The following LIN54 variants were observed in gnomAD, a reference collection of about 807,000 sequenced individuals.
LIN54 encodes the protein lin-54 DREAM MuvB core complex component.
A neutral mutation model predicts 78.7 loss-of-function variants in LIN54; 9 were observed. The ratio of observed to expected loss-of-function variants is 0.11; its 90% confidence interval spans 0.07 to 0.20. LIN54 has a LOEUF of 0.20. LIN54 is among the 10% of genes least tolerant of loss of function. The pLI, the probability that LIN54 is intolerant of heterozygous loss-of-function variation, is 1.00. For synonymous variants in LIN54, 269 were observed against 318.4 expected (o/e 0.84, Z 1.65); for missense variants, 573 against 889.9 (o/e 0.64, Z 4.53).
chr4:82,947,235 A>ATATTTTTTTTTTTTTTTT, intron 4 of LIN54, among the ~76,000 whole-genome samples: 8 of 44,290 alleles, frequency 1.8e-4, no homozygotes, highest in African/African-American at 8.0e-4. Context: ...ATATATATAT[A>ATATTTTTTTTTTTTTTTT]TTTTTTTTTT....
chr4:82,958,925 C>T (rs1578546360), intron 4 of LIN54, among the ~76,000 whole-genome samples: 2 of 152,128 alleles, frequency 1.3e-5, no homozygotes, highest in South Asian at 4.1e-4. Flanking sequence ...TGGTCGCAAA[C>T]TCCCGATCTC....
rs1300387340 is a variant in LIN54 at position 83,010,812 on chromosome 4, G to A, written c.-361C>T. The A allele has an allele frequency of 4.4e-5, 54 of 1,228,420 alleles. No homozygotes were observed. Among genetic ancestry groups the A allele is most frequent in the Middle Eastern group, 3.1e-4 (1 of 3,214 alleles). 76.1% of individuals were successfully genotyped at this position (1,228,420 alleles called of 1,614,324 possible). On this transcript the variant is annotated 5_prime_UTR_variant, in exon 1 of 13. Coordinates refer to ENST00000340417, the MANE Select transcript of LIN54 (RefSeq NM_194282.4). Reference sequence around the variant, plus strand: ...CGGAGCCCGGGCCGCCGCCGCCGCCGCCACCACCAGTAACCTCCCCCTTCC... The same window carrying A: ...CGGAGCCCGGGCCGCCGCCGCCGCCACCACCACCAGTAACCTCCCCCTTCC...
intron 3 of LIN54, among the ~76,000 whole-genome samples, chr4:82,972,231 AT>A (rs537175270): frequency 2.0e-5 from 3 of 150,056 alleles, no homozygotes; most frequent in African/African-American, 4.9e-5. Flanking sequence ...TTTTTTTTTT[AT>A]TTTTTTTAGA....
chr4:82,956,227 A>G (rs1420062749), intron 4 of LIN54, among the ~76,000 whole-genome samples: 1 of 152,158 alleles, frequency 6.6e-6, no homozygotes, highest in Non-Finnish European at 1.5e-5. Flanking sequence ...CTGGGATTAC[A>G]GGCGTGAGCC....
chr4:82,977,599 A>T (rs1267008442), intron 3 of LIN54, among the ~76,000 whole-genome samples: 17 of 152,232 alleles, frequency 1.1e-4, no homozygotes, highest in Admixed American at 1.0e-3. Flanking sequence ...ATGACAAGTC[A>T]CTGCCACTGA....
chr4:82,928,811 T>C (rs967240300), intron 12 of LIN54, among the ~76,000 whole-genome samples: 3 of 152,214 alleles, frequency 2.0e-5, no homozygotes, highest in Admixed American at 2.0e-4. Flanking sequence ...CTGATACTGT[T>C]TGTAGAAAAC....
chr4:82,948,828 C>T (rs2126047696), intron 4 of LIN54, among the ~76,000 whole-genome samples: 1 of 152,312 alleles, frequency 6.6e-6, no homozygotes, highest in South Asian at 2.1e-4. Context: ...CCACCAGATT[C>T]ATCCATGTTG....
chr4:82,957,845 T>C lies in LIN54; in HGVS notation c.952-11371A>G, dbSNP rs145559436. Among the ~76,000 whole-genome samples the C allele has an allele frequency of 6.7e-3, 1,015 of 152,364 alleles. 8 individuals carry two copies. Among genetic ancestry groups the C allele is most frequent in the African/African-American group, 0.022 (935 of 41,582 alleles). The stretch of plus-strand genomic sequence containing the variant: ...ACTTTAGGGTCTGTGTATCTATTTT[T>C]GCTCTCTACTGATTCCCCAAAAAGA... On this transcript the variant is annotated intron_variant, in intron 4 of 12. Coordinates refer to ENST00000340417, the MANE Select transcript of LIN54 (RefSeq NM_194282.4).
At chr4:82,947,189 CCT>C (rs1413262149) in intron 4 of LIN54, among the ~76,000 whole-genome samples, 1 of 132,478 alleles carries the variant, frequency 7.5e-6, no homozygotes, top group Non-Finnish European at 1.6e-5. Flanking sequence ...TTTTGTATTC[CCT>C]GAGTCAAAAA....
At chr4:82,938,638 A>G in intron 7 of LIN54, 134 bp from the exon 8 acceptor site, 1 of 606,158 alleles carries the variant, frequency 1.6e-6, no homozygotes, top group South Asian at 2.1e-5. Context: ...ACACAAACAC[A>G]TACTTCACAG....
chr4:82,969,960 G>C (rs200892825), intron 4 of LIN54, among the ~76,000 whole-genome samples: 1 of 151,818 alleles, frequency 6.6e-6, no homozygotes, highest in South Asian at 2.1e-4. Context: ...ATTTTTTAAA[G>C]TTACATTTAA....
chr4:83,006,469 A>G (rs1456677700), intron 1 of LIN54, among the ~76,000 whole-genome samples: 10 of 151,836 alleles, frequency 6.6e-5, no homozygotes, highest in Admixed American at 6.6e-5. Flanking sequence ...AAAAAGAAAA[A>G]AAAAAAGAAA....
intron 1 of LIN54, among the ~76,000 whole-genome samples, chr4:82,996,451 G>A (rs1728225428): frequency 6.6e-6 from 1 of 151,920 alleles, no homozygotes; most frequent in Non-Finnish European, 1.5e-5. Context: ...TGTCGCCCAG[G>A]CTGGAATGCA....
rs1722370667 is a variant in LIN54 at position 82,936,054 on chromosome 4, G to A, written c.1772C>T (p.Ser591Phe). Residue 591 changes from serine (S) to phenylalanine (F), a missense_variant, in exon 11 of 13, where the codon TCT becomes TTT. Coordinates refer to ENST00000340417, the MANE Select transcript of LIN54 (RefSeq NM_194282.4). ...ACACCCTTTGCTATGACGTCGATCAGATTCTCCCTCCTTTCCTTTCCCTAT... is the reference window on the plus strand; with the variant it reads ...ACACCCTTTGCTATGACGTCGATCAAATTCTCCCTCCTTTCCTTTCCCTAT... Reference protein sequence around the residue: ...PKIGKGKEGESDRRHSKGCNC... With the variant: ...PKIGKGKEGEFDRRHSKGCNC... 1 of 1,613,902 alleles carries A rather than the reference G, an allele frequency of 6.2e-7. No individual in the cohort carries two copies. Among genetic ancestry groups the A allele is most frequent in the South Asian group, 1.1e-5 (1 of 91,072 alleles).
At chr4:82,999,604 C>G (rs550074896) in intron 1 of LIN54, among the ~76,000 whole-genome samples, 1 of 151,792 alleles carries the variant, frequency 6.6e-6, no homozygotes, top group South Asian at 2.1e-4. Context: ...TGGTGAAACC[C>G]TGTCTCTACC....
intron 3 of LIN54, among the ~76,000 whole-genome samples, chr4:82,971,714 C>T (rs760796593): frequency 7.2e-5 from 11 of 151,998 alleles, no homozygotes; most frequent in Non-Finnish European, 1.5e-4. Context: ...GAACTTCTAA[C>T]AAAAATTTCC....
chr4:82,947,684 T>C (rs1262575331), intron 4 of LIN54, among the ~76,000 whole-genome samples: 1 of 152,172 alleles, frequency 6.6e-6, no homozygotes, highest in Non-Finnish European at 1.5e-5. Flanking sequence ...CAGAACACAA[T>C]AGTCTTTTGA....
intron 7 of LIN54, among the ~76,000 whole-genome samples, 165 bp from the exon 8 acceptor site, chr4:82,938,669 C>T (rs1363434825): frequency 6.6e-6 from 1 of 152,058 alleles, no homozygotes; most frequent in Non-Finnish European, 1.5e-5. Flanking sequence ...AAGACTCAAA[C>T]CAATACTATA....
intron 4 of LIN54, among the ~76,000 whole-genome samples, chr4:82,947,235 A>ATATATATATATATATATATATTTTT: frequency 2.3e-5 from 1 of 44,290 alleles, no homozygotes; most frequent in Non-Finnish European, 3.7e-5. Context: ...ATATATATAT[A>ATATATATATATATATATATATTTTT]TTTTTTTTTT....
Sources: gnomAD v4.1 joint callset for allele counts (sites outside exome capture counted in the v4.1 genomes callset) on GRCh38, gnomAD v4.1.1 for gene constraint, MANE v1.5 for transcripts, NCBI Gene and HGNC (gene_info 2026-07-23, HGNC 2026-07-21) for gene names.